The following ADAM9 variants were observed in gnomAD, a reference collection of about 807,000 sequenced individuals.
ADAM9 encodes the protein disintegrin and metalloproteinase domain-containing protein 9.
In ADAM9, 54 loss-of-function variants were observed where a neutral mutation model predicts 108.1. The ratio of observed to expected loss-of-function variants is 0.50; its 90% CI spans 0.40 to 0.63. The LOEUF is 0.63. Ranked by LOEUF, ADAM9 falls within the 20% of genes least tolerant of loss-of-function variation. The probability of loss-of-function intolerance (pLI) is 0.00; values close to 1 mark genes in which losing one functional copy is unlikely to be tolerated. For missense variants in ADAM9, 830 were observed against 997.7 expected, an observed-to-expected ratio of 0.83 and a Z score of 2.26; for synonymous variants, 316 against 336.0, an observed-to-expected ratio of 0.94 and a Z score of 0.65.
chr8:39,037,785 A>G (rs1392780665), intron 11 of ADAM9, among the ~76,000 whole-genome samples: 1 of 152,236 alleles, frequency 6.6e-6, no homozygotes, highest in African/African-American at 2.4e-5. Context: ...GTACAAAATA[A>G]AAAACAATTA....
At chr8:39,030,592 G>T (rs1010724471) in intron 11 of ADAM9, among the ~76,000 whole-genome samples, 2 of 152,186 alleles carry the variant, frequency 1.3e-5, no homozygotes, top group African/African-American at 4.8e-5. Flanking sequence ...CATGTTTTCA[G>T]CTCCTTTGGG....
chr8:39,081,865 A>G (rs1453629394), intron 16 of ADAM9, among the ~76,000 whole-genome samples: 1 of 152,164 alleles, frequency 6.6e-6, no homozygotes, highest in African/African-American at 2.4e-5. Flanking sequence ...AGTCTTTTAA[A>G]ACGTTAGTCT....
At chr8:39,061,972 A>C (rs1450221631) in intron 14 of ADAM9, among the ~76,000 whole-genome samples, 2 of 152,178 alleles carry the variant, frequency 1.3e-5, no homozygotes, top group African/African-American at 4.8e-5. Flanking sequence ...CTGGGAGTCT[A>C]AGATCAAAGT....
At chr8:39,045,358 A>ATGTGTGTGTACACC (rs1837684446) in intron 12 of ADAM9, among the ~76,000 whole-genome samples, 1 of 93,518 alleles carries the variant, frequency 1.1e-5, no homozygotes. Flanking sequence ...GTGTACATAC[A>ATGTGTGTGTACACC]TATAGGTGTG....
rs1839767390 is a variant in ADAM9, at chr8:39,103,587, T to C, written c.2367-20T>C. 6.2e-7 allele frequency: 1 copy of C among 1,608,610 alleles called. No homozygotes were observed. The highest frequency in any genetic ancestry group is 1.7e-5 in the Admixed American group (1 of 59,974). ...CACCCAGTCTAAACACTCTATTAAC[T>C]ATCTCTTTTCCCCTCGCAGGCCACC... On this transcript the variant is annotated intron_variant, in intron 21 of 21. Transcript: ENST00000487273.
At position 39,028,475 on chromosome 8, in the gene ADAM9, C is replaced by T. The variant is rs115222215; in HGVS notation, c.1130+1665C>T. Among the ~76,000 whole-genome samples the T allele has an allele frequency of 7.9e-3, 1,206 of 152,106 alleles. 16 individuals are homozygous for T. The highest frequency in any genetic ancestry group is 0.028 in the African/African-American group (1,158 of 41,492). ...TGGCCAGCAGTGAAGTTGAGAAAGA[C>T]GTGAGTTCAGGGAAACAAGAAATGT... On this transcript the variant is annotated intron_variant, in intron 11 of 21. Coordinates refer to ENST00000487273, the MANE Select transcript of ADAM9 (RefSeq NM_003816.3).
At chr8:39,085,111 T>C (rs1839145672) in intron 18 of ADAM9, among the ~76,000 whole-genome samples, 1 of 152,150 alleles carries the variant, frequency 6.6e-6, no homozygotes, top group African/African-American at 2.4e-5. Context: ...TGGATCTTGC[T>C]TTTTATCTAA....
chr8:39,096,979 TTATA>T (rs2129443488), intron 20 of ADAM9, among the ~76,000 whole-genome samples: 1 of 152,266 alleles, frequency 6.6e-6, no homozygotes, highest in South Asian at 2.1e-4. Context: ...CTTTGGTAAT[TTATA>T]TATATCTGTT....
intron 12 of ADAM9, among the ~76,000 whole-genome samples, chr8:39,043,169 A>G (rs1463559481): frequency 6.6e-6 from 1 of 152,110 alleles, no homozygotes; most frequent in Non-Finnish European, 1.5e-5. Flanking sequence ...TTCTTTATCC[A>G]TTCAACTGTT....
rs1361682505 is a variant in ADAM9, at chr8:39,055,586, G to A, written c.1405G>A (p.Gly469Arg). The A allele has an allele frequency of 6.2e-7, 1 of 1,613,532 alleles. No homozygotes were observed. The highest frequency in any genetic ancestry group is 8.5e-7 in the Non-Finnish European group (1 of 1,179,596). ...DCCKDCRFLP[G>R]GTLCRGKTSE... ...AATTCTATTTCACTAGTTCCTTCCA[G>A]GAGGTACTTTATGCCGAGGAAAAAC... The change falls in exon 14 of 22, where the codon GGA becomes AGA. Residue 469 changes from glycine to arginine, a missense_variant. By Grantham distance (125) the Gly-to-Arg change is moderately radical (BLOSUM62 -2). This residue lies in a region of ADAM9 where 381 missense variants were observed against 539.8 expected (regional missense o/e 0.71). Transcript: ENST00000487273.
intron 14 of ADAM9, among the ~76,000 whole-genome samples, chr8:39,070,337 T>G (rs1838643465): frequency 6.6e-6 from 1 of 152,120 alleles, no homozygotes; most frequent in Non-Finnish European, 1.5e-5. Flanking sequence ...GGCCTCCATT[T>G]ATCCTTCTGG....
chr8:39,065,992 A>T (rs906253518), intron 14 of ADAM9, among the ~76,000 whole-genome samples: 18 of 152,130 alleles, frequency 1.2e-4, no homozygotes, highest in Non-Finnish European at 2.9e-5. Context: ...ATGAGTGAGA[A>T]CATGCGGTGT....
intron 7 of ADAM9, among the ~76,000 whole-genome samples, chr8:39,019,809 A>G (rs1407468018): frequency 1.3e-5 from 2 of 152,210 alleles, no homozygotes; most frequent in African/African-American, 4.8e-5. Context: ...AGCCACCCCA[A>G]ATAACTAATT....
Position 39,104,044 on chromosome 8 carries a change from G to A in ADAM9, c.*344G>A, listed in dbSNP as rs762402320. 4.1e-5 allele frequency: 20 copies of A among 482,020 alleles called. No homozygotes were observed. Among genetic ancestry groups the A allele is most frequent in the South Asian group, 2.9e-4 (19 of 64,712 alleles). The allele number at this position is 482,020 out of a possible 1,614,324, so 29.9% of individuals were successfully genotyped here. ...ATTGGTGTAAGAGTTTTGTCATTAA[G>A]TGTTTAAGTGTTATTCTGAATTTTC... On this transcript the variant is annotated 3_prime_UTR_variant, in exon 22 of 22. Transcript: ENST00000487273.
At chr8:39,102,078 A>G in intron 21 of ADAM9, 148 bp downstream of exon 21, 1 of 732,032 alleles carries the variant, frequency 1.4e-6, no homozygotes, top group Non-Finnish European at 2.3e-6. Flanking sequence ...AGGTTTTAAA[A>G]TAACTTTATA....
intron 20 of ADAM9, among the ~76,000 whole-genome samples, chr8:39,097,124 C>T (rs887117122): frequency 6.6e-6 from 1 of 152,140 alleles, no homozygotes; most frequent in African/African-American, 2.4e-5. Context: ...TCAGATTTTG[C>T]AGCCTTGTTT....
intron 20 of ADAM9, among the ~76,000 whole-genome samples, chr8:39,095,735 A>G (rs533943067): frequency 1.3e-5 from 2 of 152,272 alleles, no homozygotes; most frequent in East Asian, 3.9e-4. Context: ...GTTTCCTAGT[A>G]GTATTGGGTT....
At chr8:39,061,085 A>G (rs1838283901) in intron 14 of ADAM9, among the ~76,000 whole-genome samples, 1 of 152,240 alleles carries the variant, frequency 6.6e-6, no homozygotes, top group South Asian at 2.1e-4. Flanking sequence ...GGTGAATTGA[A>G]TGGAGATGTG....
intron 1 of ADAM9, among the ~76,000 whole-genome samples, chr8:39,000,277 C>A (rs1219534377): frequency 1.3e-5 from 2 of 152,180 alleles, no homozygotes; most frequent in Admixed American, 1.3e-4. Context: ...CAGGCATGAG[C>A]CACCGCGCCC....
Sources: allele counts gnomAD v4.1 joint callset (sites outside exome capture counted in the v4.1 genomes callset), GRCh38; gene constraint gnomAD v4.1.1; regional missense constraint gnomAD v4.1.1; transcripts MANE v1.5; gene names NCBI Gene and HGNC (gene_info 2026-07-23, HGNC 2026-07-21).